KHDRBS2: variants seen among roughly 807,000 people sequenced by gnomAD.
KHDRBS2 encodes KH domain-containing, RNA-binding, signal transduction-associated protein 2.
KHDRBS2 carries 26 observed loss-of-function variants against 44.3 expected under a neutral mutation model. The ratio of observed to expected loss-of-function variants is 0.59; its 90% CI spans 0.43 to 0.81. The LOEUF (loss-of-function observed/expected upper bound fraction) is 0.81. Among genes scored for constraint, KHDRBS2 ranks in the 40% least tolerant of loss-of-function variants. The pLI is 0.00. For synonymous variants in KHDRBS2, 194 were observed against 151.1 expected, an observed-to-expected ratio of 1.28 and a Z score of -2.08; for missense variants, 476 against 433.1, an observed-to-expected ratio of 1.10 and a Z score of -0.88.
At chr6:61,598,546 G>A in the KHDRBS2 span, among the ~76,000 whole-genome samples, 3 of 152,138 alleles carry the variant, frequency 2.0e-5, no homozygotes, top group African/African-American at 4.8e-5. Context: ...CAGTAAGACA[G>A]GAGATCAAAA....
chr6:61,650,076 T>C, the KHDRBS2 span, among the ~76,000 whole-genome samples: 1 of 152,094 alleles, frequency 6.6e-6, no homozygotes, highest in Admixed American at 6.6e-5. Flanking sequence ...CATGTTCTTT[T>C]CCATAGCAGG....
At chr6:62,285,734 C>G in intron 1 of KHDRBS2, 124 bp downstream of exon 1, 1 of 651,566 alleles carries the variant, frequency 1.5e-6, no homozygotes, top group Non-Finnish European at 2.7e-6. Flanking sequence ...AGGCGAGCAT[C>G]TTCAGGGGGA....
At chr6:61,781,409 A>G (rs1782905874) in intron 6 of KHDRBS2, among the ~76,000 whole-genome samples, 1 of 152,174 alleles carries the variant, frequency 6.6e-6, no homozygotes, top group South Asian at 2.1e-4. Context: ...CCTTTTCTAG[A>G]AATTTGTTTT....
the KHDRBS2 span, among the ~76,000 whole-genome samples, chr6:61,616,743 G>T: frequency 6.6e-6 from 1 of 151,988 alleles, no homozygotes; most frequent in East Asian, 1.9e-4. Flanking sequence ...GACTCAAAGG[G>T]GTCAAGTGGC....
At chr6:62,033,717 A>T (rs1784757476) in intron 3 of KHDRBS2, among the ~76,000 whole-genome samples, 1 of 151,420 alleles carries the variant, frequency 6.6e-6, no homozygotes, top group Admixed American at 6.6e-5. Flanking sequence ...CATGAAGGAG[A>T]AATAACAACT....
chr6:61,718,898 G>T (rs534316578), intron 7 of KHDRBS2, among the ~76,000 whole-genome samples: 2 of 151,958 alleles, frequency 1.3e-5, no homozygotes, highest in Admixed American at 6.6e-5. Flanking sequence ...CTAATTCCCC[G>T]CCCCCACACT....
intron 6 of KHDRBS2, among the ~76,000 whole-genome samples, chr6:61,825,109 G>C (rs1790627190): frequency 6.6e-6 from 1 of 151,882 alleles, no homozygotes; most frequent in South Asian, 2.1e-4. Context: ...AAATCAAGGA[G>C]GAAATTATTT....
At chr6:62,024,436 T>C (rs1782931064) in intron 3 of KHDRBS2, among the ~76,000 whole-genome samples, 1 of 151,628 alleles carries the variant, frequency 6.6e-6, no homozygotes, top group South Asian at 2.1e-4. Flanking sequence ...CAAAATTTTC[T>C]TTAAACATAT....
At chr6:61,937,114 G>A (rs1434676327) in intron 4 of KHDRBS2, among the ~76,000 whole-genome samples, 1 of 151,680 alleles carries the variant, frequency 6.6e-6, no homozygotes. Context: ...TCATCTCATG[G>A]TGCTGCATTC....
chr6:61,934,212 A>G (rs927997608), intron 4 of KHDRBS2, among the ~76,000 whole-genome samples: 1 of 151,964 alleles, frequency 6.6e-6, no homozygotes, highest in African/African-American at 2.4e-5. Flanking sequence ...ACCCCTTGTC[A>G]GATATATACT....
At chr6:62,253,394 G>T (rs753124388) in intron 1 of KHDRBS2, among the ~76,000 whole-genome samples, 10 of 151,928 alleles carry the variant, frequency 6.6e-5, no homozygotes, top group Non-Finnish European at 1.5e-4. Context: ...AGCCAAAGCT[G>T]GGTCAATGAG....
In KHDRBS2 at chr6:62,039,255, A is replaced by AACACACACAC. The variant is rs142933011; in HGVS notation, c.336+8613_336+8622dup. Reference sequence around the variant, plus strand: ...ACATATCTATATAGATACACAGGCAAACACACACACACACACACACACACA... The same window carrying AACACACACAC: ...ACATATCTATATAGATACACAGGCAAACACACACACACACACACACACACACACACACACA... On this transcript the variant is annotated intron_variant, in intron 3 of 8. Coordinates refer to ENST00000281156, the MANE Select transcript of KHDRBS2 (RefSeq NM_152688.4). Among the ~76,000 whole-genome samples, 1,198 of 145,860 alleles carry AACACACACAC rather than the reference A, an allele frequency of 8.2e-3. 7 individuals carry two copies. Among genetic ancestry groups the AACACACACAC allele is most frequent in the East Asian group, 0.014 (69 of 4,908 alleles).
intron 6 of KHDRBS2, among the ~76,000 whole-genome samples, chr6:61,770,718 C>G (rs572377696): frequency 1.3e-4 from 20 of 152,222 alleles, no homozygotes; most frequent in African/African-American, 4.6e-4. Context: ...GATTGGTGTA[C>G]CTGAAAGTGA....
At chr6:62,161,864 A>G (rs1817731966) in intron 2 of KHDRBS2, among the ~76,000 whole-genome samples, 1 of 152,060 alleles carries the variant, frequency 6.6e-6, no homozygotes, top group Non-Finnish European at 1.5e-5. Flanking sequence ...TCTAATTTGA[A>G]TTTATACCAA....
chr6:61,863,844 G>A (rs1797379900), intron 6 of KHDRBS2, among the ~76,000 whole-genome samples: 1 of 152,016 alleles, frequency 6.6e-6, no homozygotes, highest in Non-Finnish European at 1.5e-5. Flanking sequence ...CTTTGCTAAT[G>A]TTCAGACTCA....
intron 2 of KHDRBS2, among the ~76,000 whole-genome samples, chr6:62,164,598 C>A (rs140926263): frequency 6.8e-4 from 103 of 151,962 alleles, no homozygotes; most frequent in African/African-American, 2.4e-3. Flanking sequence ...CATGTATACA[C>A]ATGCATGTAT....
At chr6:61,848,552 C>CATATATATGTATATATATACAT (rs1794922354) in intron 6 of KHDRBS2, among the ~76,000 whole-genome samples, 1 of 37,250 alleles carries the variant, frequency 2.7e-5, no homozygotes, top group African/African-American at 1.1e-4. Flanking sequence ...TATATATATA[C>CATATATATGTATATATATACAT]ATATATATAT....
At chr6:61,587,099 C>G in the KHDRBS2 span, among the ~76,000 whole-genome samples, 1 of 152,120 alleles carries the variant, frequency 6.6e-6, no homozygotes, top group Non-Finnish European at 1.5e-5. Flanking sequence ...ACTGCCTACT[C>G]CCCCACCAAC....
chr6:61,855,659 T>TTTTGC (rs1796052660), intron 6 of KHDRBS2, among the ~76,000 whole-genome samples: 1 of 151,620 alleles, frequency 6.6e-6, no homozygotes, highest in Non-Finnish European at 1.5e-5. Context: ...TTTTGTTTTG[T>TTTTGC]TGTTTTTCCC....
Sources: allele counts gnomAD v4.1 joint callset (sites outside exome capture counted in the v4.1 genomes callset), GRCh38; gene constraint gnomAD v4.1.1; transcripts MANE v1.5; gene names NCBI Gene and HGNC (gene_info 2026-07-23, HGNC 2026-07-21).